Variants in FSTL4 observed in about 807,000 individuals in gnomAD.
FSTL4 encodes follistatin like 4, also known as follistatin-related protein 4.
In FSTL4, 28 loss-of-function variants were observed where a neutral mutation model predicts 78.2. The observed-to-expected ratio is 0.36, with a 90% CI of 0.27 to 0.49. The LOEUF (loss-of-function observed/expected upper bound fraction) is 0.49, where lower values mean the gene tolerates loss of function less well. Ranked by LOEUF, FSTL4 falls within the 20% of genes least tolerant of loss-of-function variation. The pLI is 0.98. For synonymous variants in FSTL4, 422 were observed against 440.5 expected (o/e 0.96, Z 0.53); for missense variants, 922 against 1,084.9 (o/e 0.85, Z 2.11).
chr5:133,676,140 T>C, the FSTL4 span, among the ~76,000 whole-genome samples: 1 of 152,176 alleles, frequency 6.6e-6, no homozygotes, highest in Non-Finnish European at 1.5e-5. Flanking sequence ...AAACACAATA[T>C]GGGGTGGGAG....
chr5:133,649,150 G>A, the FSTL4 span, among the ~76,000 whole-genome samples: 5 of 152,054 alleles, frequency 3.3e-5, no homozygotes, highest in Non-Finnish European at 5.9e-5. Flanking sequence ...TTCTTTCACT[G>A]GGTAATATGC....
chr5:133,754,809 A>C, the FSTL4 span, among the ~76,000 whole-genome samples: 1 of 151,980 alleles, frequency 6.6e-6, no homozygotes, highest in Non-Finnish European at 1.5e-5. Flanking sequence ...TTCTGCTCTA[A>C]CTCTAGAGCC....
chr5:133,240,912 A>C (rs953486240), intron 7 of FSTL4, among the ~76,000 whole-genome samples: 9 of 152,154 alleles, frequency 5.9e-5, no homozygotes, highest in African/African-American at 1.9e-4. Context: ...AGGCTCTGGA[A>C]TGTCATGCCT....
At chr5:133,725,267 G>C in the FSTL4 span, among the ~76,000 whole-genome samples, 1 of 152,160 alleles carries the variant, frequency 6.6e-6, no homozygotes, top group African/African-American at 2.4e-5. Context: ...AATGTGGTAA[G>C]TTTCACTGTG....
the FSTL4 span, among the ~76,000 whole-genome samples, chr5:133,737,256 C>T: frequency 6.6e-6 from 1 of 151,968 alleles, no homozygotes; most frequent in African/African-American, 2.4e-5. Flanking sequence ...CTAATCCCCC[C>T]ACTACCCTTC....
rs140375656 is a variant in FSTL4, at chr5:133,400,924, G to A, written c.223C>T (p.Arg75Trp). 3.6e-5 allele frequency: 58 copies of A among 1,613,402 alleles called. No individual in the cohort carries two copies. Among genetic ancestry groups the A allele is most frequent in the Middle Eastern group, 1.7e-4 (1 of 6,060 alleles). Residue 75 changes from arginine to tryptophan, a missense_variant, in exon 4 of 16, where the codon CGG (arginine) becomes TGG (tryptophan). Transcript: ENST00000265342. ...CCTGTCTTCCTGCTGAGCACGCACC[G>A]GCTCCCTCGGCTGCAGAACTTCTTC... ...CGKKFCSRGS[R>W]CVLSRKTGEP...
the FSTL4 span, among the ~76,000 whole-genome samples, chr5:133,625,771 CATATATATATATTCCAT>C: frequency 3.0e-3 from 29 of 9,686 alleles, 10 homozygotes; most frequent in Non-Finnish European, 3.7e-3. Flanking sequence ...ATATATATTC[CATATATATATATTCCAT>C]ATATATATAT....
chr5:133,546,710 T>C (rs1364584835), intron 3 of FSTL4, among the ~76,000 whole-genome samples: 1 of 151,954 alleles, frequency 6.6e-6, no homozygotes, highest in Non-Finnish European at 1.5e-5. Flanking sequence ...GAGAGCAGAA[T>C]GGTTTCAGGA....
chr5:133,377,110 G>A (rs1002725078), intron 4 of FSTL4, among the ~76,000 whole-genome samples: 3 of 152,044 alleles, frequency 2.0e-5, no homozygotes, highest in African/African-American at 4.8e-5. Flanking sequence ...ACTAATCCCT[G>A]CCAGCTCCAG....
chr5:133,653,655 C>T, the FSTL4 span, among the ~76,000 whole-genome samples: 1 of 152,248 alleles, frequency 6.6e-6, no homozygotes, highest in African/African-American at 2.4e-5. Context: ...AGGCACTTTG[C>T]AGTCCACCAC....
chr5:133,204,997 CTTTT>C (rs200410608), intron 14 of FSTL4, among the ~76,000 whole-genome samples: 73 of 150,124 alleles, frequency 4.9e-4, no homozygotes, highest in African/African-American at 1.7e-3. Context: ...TGATTTCATA[CTTTT>C]TTTTTGTGAT....
the FSTL4 span, among the ~76,000 whole-genome samples, chr5:133,639,716 T>G: frequency 3.9e-5 from 6 of 152,282 alleles, no homozygotes; most frequent in South Asian, 1.2e-3. Context: ...GCTTTCTCTC[T>G]CTACCACGTT....
At chr5:133,838,870 G>A in the FSTL4 span, among the ~76,000 whole-genome samples, 73 of 152,314 alleles carry the variant, frequency 4.8e-4, 1 homozygote, top group African/African-American at 1.4e-3. Flanking sequence ...CAGTGCAGGT[G>A]AGTCAATGTC....
chr5:133,617,298 CAAAAAAAAAAAAA>C (rs145317097), upstream of FSTL4, among the ~76,000 whole-genome samples: 6 of 61,938 alleles, frequency 9.7e-5, no homozygotes, highest in Non-Finnish European at 1.5e-4. Flanking sequence ...GACTCCATCT[CAAAAAAAAAAAAA>C]AAAAAAAAAA....
intron 3 of FSTL4, among the ~76,000 whole-genome samples, chr5:133,489,594 G>A (rs571348931): frequency 1.3e-5 from 2 of 152,280 alleles, no homozygotes; most frequent in East Asian, 3.9e-4. Flanking sequence ...GACATGCAAA[G>A]AGCCAGGCTC....
chr5:133,380,739 C>T (rs919534018), intron 4 of FSTL4, among the ~76,000 whole-genome samples: 6 of 151,064 alleles, frequency 4.0e-5, no homozygotes, highest in South Asian at 2.1e-4. Context: ...GACCAATATC[C>T]GTTATGATTA....
the FSTL4 span, among the ~76,000 whole-genome samples, chr5:133,621,322 C>G: frequency 6.6e-6 from 1 of 152,290 alleles, no homozygotes; most frequent in South Asian, 2.1e-4. Context: ...ATGGCGTGAA[C>G]CCGGGAGGTG....
the FSTL4 span, among the ~76,000 whole-genome samples, chr5:133,840,699 G>A: frequency 6.6e-6 from 1 of 152,300 alleles, no homozygotes; most frequent in East Asian, 1.9e-4. Flanking sequence ...AGAGCTACCA[G>A]GCTAAAAGTC....
chr5:133,545,843 T>C (rs1480863493), intron 3 of FSTL4, among the ~76,000 whole-genome samples: 3 of 152,162 alleles, frequency 2.0e-5, no homozygotes, highest in African/African-American at 7.2e-5. Flanking sequence ...TTCTCAGAGA[T>C]TATCTAAATG....
Sources: gnomAD v4.1 joint callset for allele counts (sites outside exome capture counted in the v4.1 genomes callset) on GRCh38, gnomAD v4.1.1 for gene constraint, MANE v1.5 for transcripts, NCBI Gene and HGNC (gene_info 2026-07-23, HGNC 2026-07-21) for gene names.